Variants in ZDHHC11 observed in about 807,000 individuals in gnomAD.
ZDHHC11 encodes zDHHC palmitoyltransferase 11, also known as palmitoyltransferase ZDHHC11.
Under a neutral mutation model 51.3 loss-of-function variants are expected in ZDHHC11, and 44 were observed. The ratio of observed to expected loss-of-function variants is 0.86; its 90% CI spans 0.67 to 1.10. ZDHHC11 has a LOEUF of 1.10. Among genes scored for constraint, ZDHHC11 ranks in the 50% least tolerant of loss-of-function variants. The probability of loss-of-function intolerance (pLI) is 0.00; values close to 1 mark genes in which losing one functional copy is unlikely to be tolerated. For missense variants in ZDHHC11, 400 were observed against 537.7 expected (o/e 0.74, Z 2.53); for synonymous variants, 163 against 222.0 (o/e 0.73, Z 2.36).
Position 804,070 on chromosome 5 carries a change from G to A in ZDHHC11, c.1182-2906C>T, listed in dbSNP as rs1308959725. ...CCAAAGTAGAAGAGAAAAGGAAAGA[G>A]GCAGAAAAAATACAGTGTTCGCCCA... On this transcript the variant is annotated intron_variant, in intron 11 of 12. Coordinates refer to ENST00000283441, the MANE Select transcript of ZDHHC11 (RefSeq NM_024786.3). Among the ~76,000 whole-genome samples the A allele has an allele frequency of 2.3e-4, 34 of 150,896 alleles. 2 individuals are homozygous for A. Among genetic ancestry groups the A allele is most frequent in the African/African-American group, 7.8e-4 (32 of 41,148 alleles).
intron 12 of ZDHHC11, among the ~76,000 whole-genome samples, chr5:798,107 G>C (rs1366246084): frequency 2.0e-5 from 3 of 148,020 alleles, no homozygotes; most frequent in African/African-American, 7.7e-5. Context: ...GTTGCCTCTA[G>C]TTTGCCACTG....
Position 806,611 on chromosome 5 carries a change from ACT to A in ZDHHC11, c.1182-5449_1182-5448del, listed in dbSNP as rs550781320. Among the ~76,000 whole-genome samples, 1,004 of 151,322 alleles carry A rather than the reference ACT, an allele frequency of 6.6e-3. 36 individuals are homozygous for A. Among genetic ancestry groups the A allele is most frequent in the African/African-American group, 0.023 (960 of 41,200 alleles). ...ATGGAGTTAAGCTGCACATGGACAGACTCTATCTGTAATTCACCCAACTGACA... is the reference window on the plus strand; with the variant it reads ...ATGGAGTTAAGCTGCACATGGACAGACTATCTGTAATTCACCCAACTGACA... On this transcript the variant is annotated intron_variant, in intron 11 of 12. Transcript: ENST00000283441.
upstream of ZDHHC11, among the ~76,000 whole-genome samples, chr5:859,964 G>A (rs1348764512): frequency 1.3e-5 from 2 of 152,186 alleles, no homozygotes; most frequent in Non-Finnish European, 2.9e-5. Flanking sequence ...CTGTTAGCAG[G>A]GGTCCCTCCA....
intron 4 of ZDHHC11, chr5:841,917 A>G (rs1439067919): frequency 3.0e-6 from 3 of 989,152 alleles, no homozygotes; most frequent in South Asian, 4.6e-5. Flanking sequence ...CCTCGGGGCC[A>G]TCCTAGAAGG....
At chr5:810,760 G>T (rs1344105582) in intron 11 of ZDHHC11, among the ~76,000 whole-genome samples, 1 of 151,490 alleles carries the variant, frequency 6.6e-6, no homozygotes, top group Non-Finnish European at 1.5e-5. Flanking sequence ...TTGTAAACTC[G>T]TGTGGTGTTG....
chr5:796,027 C>A lies in ZDHHC11; in HGVS notation c.*561G>T, dbSNP rs200869098. ...CTCCCATTTCTCAGTACTGTGCTCCCACTTCTCAGTACTGTGCTCCCACTT... is the reference window on the plus strand; with the variant it reads ...CTCCCATTTCTCAGTACTGTGCTCCAACTTCTCAGTACTGTGCTCCCACTT... On this transcript the variant is annotated 3_prime_UTR_variant, in exon 13 of 13. Transcript: ENST00000283441. 7.2e-3 allele frequency: 1,123 copies of A among 155,480 alleles called. 8 individuals carry two copies. The highest frequency in any genetic ancestry group is 0.012 in the Non-Finnish European group (796 of 68,516). 9.6% of individuals were successfully genotyped at this position (155,480 alleles called of 1,614,324 possible). A position where few individuals can be genotyped will look rare whatever the true frequency, so the allele number is the denominator to read the frequency against.
In ZDHHC11 at chr5:805,862, G is replaced by A. The variant is rs181135172; in HGVS notation, c.1182-4698C>T. Among the ~76,000 whole-genome samples, 11 of 151,390 alleles carry A rather than the reference G, an allele frequency of 7.3e-5. 1 individual carries two copies. Among genetic ancestry groups the A allele is most frequent in the South Asian group, 2.1e-4 (1 of 4,784 alleles). ...AGAAGCTCCCGGGCCCTGAGATATG[G>A]AGGGTCCCAGGGGCAAGGGTGAGGA... is the stretch of plus-strand genomic sequence containing the variant. On this transcript the variant is annotated intron_variant, in intron 11 of 12. Coordinates refer to ENST00000283441, the MANE Select transcript of ZDHHC11 (RefSeq NM_024786.3).
At chr5:817,794 G>A (rs142596585) in intron 10 of ZDHHC11, among the ~76,000 whole-genome samples, 4,106 of 151,088 alleles carry the variant, frequency 0.027, 200 homozygotes, top group Middle Eastern at 0.12. Flanking sequence ...TTCCATTTAA[G>A]CCAAACACCA....
chr5:856,507 ACAC>A (rs569070197), intron 1 of ZDHHC11, among the ~76,000 whole-genome samples: 210 of 151,272 alleles, frequency 1.4e-3, no homozygotes, highest in Non-Finnish European at 2.3e-3. Context: ...CACCACCCAC[ACAC>A]CACACAATAC....
In ZDHHC11 at chr5:804,884, A is replaced by G. The variant is rs546770382; in HGVS notation, c.1182-3720T>C. ...AAATTATTTAGTCCTAAATGAAGAC[A>G]CTAGACAGTAACTCAAAACCATACA... On this transcript the variant is annotated intron_variant, in intron 11 of 12. Transcript: ENST00000283441. 2.6e-5 allele frequency among the ~76,000 whole-genome samples: 4 copies of G among 151,542 alleles called. No homozygotes were observed. In the East Asian group the frequency reaches 7.7e-4, roughly 29 times the overall value.
At position 848,755 on chromosome 5, in the gene ZDHHC11, G is replaced by A. The variant is rs529595106; in HGVS notation, c.223-95C>T. 7 of 1,523,472 alleles carry A rather than the reference G, an allele frequency of 4.6e-6. No individual in the cohort carries two copies. In the African/African-American group the frequency reaches 9.6e-5, roughly 21 times the overall value. 94.4% of individuals were successfully genotyped at this position (1,523,472 alleles called of 1,614,324 possible). A position where few individuals can be genotyped will look rare whatever the true frequency, so the allele number is the denominator to read the frequency against. ...AGGGCCCAGAAGAGGCGTGGCCGCT[G>A]GTCAGCCCTGCTCACCCAGCCCTGC... On this transcript the variant is annotated intron_variant, in intron 1 of 12. Transcript: ENST00000283441.
rs140486068 is a variant in ZDHHC11 at position 818,222 on chromosome 5, C to T, written c.1146+1303G>A. 4.0e-3 allele frequency among the ~76,000 whole-genome samples: 605 copies of T among 151,000 alleles called. 8 individuals are homozygous for T. The highest frequency in any genetic ancestry group is 0.014 in the African/African-American group (585 of 41,062). On this transcript the variant is annotated intron_variant, in intron 10 of 12. Transcript: ENST00000283441. ...GGGACTCACAATTGCACCCCGGCAGCAGGTGTGCATGTGGACGATTGCAGG... is the reference window on the plus strand; with the variant it reads ...GGGACTCACAATTGCACCCCGGCAGTAGGTGTGCATGTGGACGATTGCAGG...
intron 7 of ZDHHC11, among the ~76,000 whole-genome samples, chr5:829,780 GATA>G (rs1405936461): frequency 6.6e-6 from 1 of 151,438 alleles, no homozygotes; most frequent in African/African-American, 2.4e-5. Context: ...ATAGCAAAAA[GATA>G]ATAACACCAT....
intron 3 of ZDHHC11, among the ~76,000 whole-genome samples, chr5:845,752 G>A (rs377370925): frequency 0.11 from 15,222 of 141,996 alleles, 233 homozygotes; most frequent in African/African-American, 0.26. Context: ...TCTGGCGGAT[G>A]AAGGGACAGA....
chr5:848,506 A>G lies in ZDHHC11; in HGVS notation c.377T>C (p.Phe126Ser). The G allele has an allele frequency of 1.4e-6, 2 of 1,469,984 alleles. No individual in the cohort carries two copies. The highest frequency in any genetic ancestry group is 1.8e-6 in the Non-Finnish European group (2 of 1,096,626). 91.1% of individuals were successfully genotyped at this position (1,469,984 alleles called of 1,614,324 possible). A position where few individuals can be genotyped will look rare whatever the true frequency, so the allele number is the denominator to read the frequency against. ...CACGGTGACCTTGCACAGGTGGCAG[A>G]ACTGATTCTGGATCACGTGTGCATG... ...SKHAHVIQNQ[F>S]CHLCKVTVNK... Residue 126 changes from phenylalanine (F) to serine (S), a missense_variant, in exon 2 of 13, where the codon TTC becomes TCC. Around this residue, in one of 5 missense-constraint regions of ZDHHC11, gnomAD observed 22 missense variants for 81.0 expected, o/e 0.27. Transcript: ENST00000283441.
chr5:822,684 T>C (rs1426601398), intron 8 of ZDHHC11, among the ~76,000 whole-genome samples: 1 of 151,360 alleles, frequency 6.6e-6, no homozygotes, highest in African/African-American at 2.4e-5. Flanking sequence ...TTTATTTATA[T>C]TTTTTAGAGG....
chr5:819,388 T>C (rs1579616521), intron 10 of ZDHHC11, 137 bp downstream of exon 10: 3 of 874,378 alleles, frequency 3.4e-6, no homozygotes, highest in East Asian at 2.5e-5. Context: ...CCCACCATCA[T>C]TCCCATGTGA....
chr5:829,591 G>A (rs1289114913), intron 7 of ZDHHC11, among the ~76,000 whole-genome samples: 1 of 151,358 alleles, frequency 6.6e-6, no homozygotes, highest in African/African-American at 2.4e-5. Flanking sequence ...CCAATCTTAT[G>A]GAAACTATTA....
intron 1 of ZDHHC11, among the ~76,000 whole-genome samples, chr5:856,468 ACACACGAGAC>A (rs1748261174): frequency 6.6e-6 from 1 of 150,694 alleles, no homozygotes. Flanking sequence ...ACCACACGAA[ACACACGAGAC>A]CACACAATCC....
Sources: gnomAD v4.1 joint callset for allele counts (sites outside exome capture counted in the v4.1 genomes callset) on GRCh38, gnomAD v4.1.1 for gene constraint, gnomAD v4.1.1 regional missense constraint, MANE v1.5 for transcripts, NCBI Gene and HGNC (gene_info 2026-07-23, HGNC 2026-07-21) for gene names.